The following DNAH5 variants were observed in gnomAD, a reference collection of about 807,000 sequenced individuals.
DNAH5 encodes dynein axonemal heavy chain 5, also known as axonemal beta dynein heavy chain 5.
DNAH5 carries 372 observed loss-of-function variants against 518.2 expected under a neutral mutation model. The observed-to-expected ratio is 0.72, with a 90% confidence interval of 0.66 to 0.78. The LOEUF is 0.78. Ranked by LOEUF, DNAH5 falls within the 30% of genes least tolerant of loss-of-function variation. The pLI is 0.00. For missense variants in DNAH5, 5,523 were observed against 5,687.0 expected, an observed-to-expected ratio of 0.97 and a Z score of 0.93; for synonymous variants, 2,039 against 2,025.9, an observed-to-expected ratio of 1.01 and a Z score of -0.17.
Position 13,717,300 on chromosome 5 carries a change from C to T in DNAH5, c.12705+15G>A. Reference sequence around the variant, plus strand: ...CACAGCCACTAGAGGCATGAGGCAGCATGCGCGGCAGTACCTTTTTGACAT... The same window carrying T: ...CACAGCCACTAGAGGCATGAGGCAGTATGCGCGGCAGTACCTTTTTGACAT... On this transcript the variant is annotated intron_variant, in intron 73 of 78. Coordinates refer to ENST00000265104, the MANE Select transcript of DNAH5 (RefSeq NM_001369.3). 1 of 1,611,430 alleles carries T rather than the reference C, an allele frequency of 6.2e-7. No individual in the cohort carries two copies. The highest frequency in any genetic ancestry group is 8.5e-7 in the Non-Finnish European group (1 of 1,178,702).
intron 71 of DNAH5, 139 bp downstream of exon 71, chr5:13,720,861 T>TAAA (rs59211873): frequency 7.4e-5 from 81 of 1,088,190 alleles, no homozygotes; most frequent in East Asian, 3.6e-4. Flanking sequence ...AGCTTAAATT[T>TAAA]AAAAAAAAAA....
intron 76 of DNAH5, among the ~76,000 whole-genome samples, chr5:13,706,234 C>T (rs1246333838): frequency 6.6e-6 from 1 of 152,232 alleles, no homozygotes; most frequent in Non-Finnish European, 1.5e-5. Context: ...AGGGGTGAAT[C>T]CTGTTGCCTT....
chr5:13,890,910 A>G, intron 17 of DNAH5, 66 bp downstream of exon 17: 2 of 1,589,368 alleles, frequency 1.3e-6, no homozygotes, highest in Non-Finnish European at 1.7e-6. Flanking sequence ...AACTTCAAAA[A>G]AGTGACCTTT....
Position 13,916,454 on chromosome 5 carries a change from A to G in DNAH5, c.1091T>C (p.Leu364Pro). Residue 364 changes from leucine to proline, a missense_variant and splice_region_variant, in exon 9 of 79, where the codon CTA becomes CCA. Leu to Pro is a moderately conservative substitution (Grantham distance 98). Coordinates refer to ENST00000265104, the MANE Select transcript of DNAH5 (RefSeq NM_001369.3). Reference protein sequence around the residue: ...CCDPLYSSDPLSMMDAIPTLI... With the variant: ...CCDPLYSSDPPSMMDAIPTLI... ...TGTAGGAATAGCATCCATCATGGAT[A>G]GCTGAAAGATATCACCAAAGTTTTC... 6.6e-7 allele frequency: 1 copy of G among 1,520,396 alleles called. No individual in the cohort carries two copies. The highest frequency in any genetic ancestry group is 9.1e-7 in the Non-Finnish European group (1 of 1,097,494). The allele number at this position is 1,520,396 out of a possible 1,614,324, so 94.2% of individuals were successfully genotyped here. A position where few individuals can be genotyped will look rare whatever the true frequency, so the allele number is the denominator to read the frequency against.
chr5:13,914,077 C>T lies in DNAH5; in HGVS notation c.1321-119G>A, dbSNP rs72634799. On this transcript the variant is annotated intron_variant, in intron 10 of 78. Coordinates refer to ENST00000265104, the MANE Select transcript of DNAH5 (RefSeq NM_001369.3). ...TTGTAAGCCTTTTCATAGTTTCATG[C>T]CTTTGCTTGTACTCACTCATCAGCC... 7.4e-3 allele frequency: 9,340 copies of T among 1,267,592 alleles called. 284 individuals carry two copies. In the East Asian group the frequency reaches 0.082, roughly 11 times the overall value. The allele number at this position is 1,267,592 out of a possible 1,614,324, so 78.5% of individuals were successfully genotyped here.
intron 54 of DNAH5, among the ~76,000 whole-genome samples, chr5:13,776,982 T>C (rs1393440578): frequency 3.3e-5 from 5 of 152,342 alleles, no homozygotes; most frequent in Non-Finnish European, 5.9e-5. Flanking sequence ...TTTCATTTGT[T>C]ATTGGAACAT....
intron 15 of DNAH5, chr5:13,898,400 G>C (rs980276309): frequency 5.0e-6 from 2 of 396,602 alleles, no homozygotes; most frequent in Admixed American, 8.8e-5. Flanking sequence ...AATTGACTAA[G>C]TGAGTTTCCT....
At chr5:13,849,769 C>G (rs1215651263) in intron 31 of DNAH5, among the ~76,000 whole-genome samples, 1 of 152,040 alleles carries the variant, frequency 6.6e-6, no homozygotes, top group East Asian at 1.9e-4. Context: ...TTACAAGTAC[C>G]CTCTTACAGG....
Position 13,713,124 on chromosome 5 carries a change from T to TATATATATATATATACACACAC in DNAH5, c.13125+1280_13125+1281insGTGTGTGTATATATATATATAT, listed in dbSNP as rs1554018603. Among the ~76,000 whole-genome samples, 81 of 146,610 alleles carry TATATATATATATATACACACAC rather than the reference T, an allele frequency of 5.5e-4. 1 individual carries two copies. The highest frequency in any genetic ancestry group is 1.9e-3 in the African/African-American group (75 of 39,270). On this transcript the variant is annotated intron_variant, in intron 75 of 78. Coordinates refer to ENST00000265104, the MANE Select transcript of DNAH5 (RefSeq NM_001369.3). ...GTGTGTGTGTATATATATATATATA[T>TATATATATATATATACACACAC]ACACACACACTGACATATATATACC...
chr5:13,769,359 A>C (rs1458108743), intron 57 of DNAH5, 142 bp downstream of exon 57: 2 of 907,896 alleles, frequency 2.2e-6, no homozygotes, highest in African/African-American at 3.5e-5. Context: ...CCAGTTTTTT[A>C]TACATAAAAT....
intron 30 of DNAH5, among the ~76,000 whole-genome samples, chr5:13,855,959 A>C (rs1348918728): frequency 6.6e-6 from 1 of 152,260 alleles, no homozygotes; most frequent in Admixed American, 6.5e-5. Flanking sequence ...GAGAACAAAG[A>C]CACAGTATAC....
intron 12 of DNAH5, among the ~76,000 whole-genome samples, chr5:13,905,388 T>C (rs562254454): frequency 2.0e-5 from 3 of 152,334 alleles, no homozygotes; most frequent in African/African-American, 7.2e-5. Flanking sequence ...GCTCTCTTGC[T>C]CTTCAGCCTT....
Position 13,882,915 on chromosome 5 carries a change from GTTCACTGCTC to G in DNAH5, c.3153_3162del (p.Trp1051CysfsTer39). ...CACCCCATACCCACCTTGGACAACA[GTTCACTGCTC>G]CACTGTCTGACCCCCTTAGGGACAC... On this transcript the variant is annotated frameshift_variant, in exon 20 of 79. Coordinates refer to ENST00000265104, the MANE Select transcript of DNAH5 (RefSeq NM_001369.3). LOFTEE classifies it high-confidence loss of function. The G allele has an allele frequency of 6.2e-7, 1 of 1,614,160 alleles. No homozygotes were observed. The highest frequency in any genetic ancestry group is 8.5e-7 in the Non-Finnish European group (1 of 1,180,022).
chr5:13,821,009 G>A (rs972681100), intron 40 of DNAH5, among the ~76,000 whole-genome samples: 1 of 152,002 alleles, frequency 6.6e-6, no homozygotes, highest in Non-Finnish European at 1.5e-5. Flanking sequence ...AACAATGTAA[G>A]TGTGCTTAAT....
chr5:13,997,100 C>A (rs565565750), intron 1 of DNAH5, among the ~76,000 whole-genome samples: 1 of 152,220 alleles, frequency 6.6e-6, no homozygotes, highest in Non-Finnish European at 1.5e-5. Context: ...ACCACTTTTT[C>A]TTTTGGAGGG....
At chr5:13,989,012 C>T (rs1250593393) in intron 1 of DNAH5, among the ~76,000 whole-genome samples, 2 of 152,064 alleles carry the variant, frequency 1.3e-5, no homozygotes, top group African/African-American at 4.8e-5. Flanking sequence ...CAGGTGTAAG[C>T]CACCGCACCT....
At chr5:13,949,003 CAGAT>C (rs1780153051), upstream of DNAH5, among the ~76,000 whole-genome samples, 1 of 152,024 alleles carries the variant, frequency 6.6e-6, no homozygotes, top group African/African-American at 2.4e-5. Flanking sequence ...TGAGAAAGAA[CAGAT>C]AGAACACACC....
intron 30 of DNAH5, among the ~76,000 whole-genome samples, chr5:13,857,078 G>C (rs1767739770): frequency 6.6e-6 from 1 of 152,216 alleles, no homozygotes; most frequent in African/African-American, 2.4e-5. Context: ...AATTATCTCT[G>C]TTTGCAGATG....
chr5:13,989,251 G>A (rs987470116), intron 1 of DNAH5, among the ~76,000 whole-genome samples: 1 of 152,086 alleles, frequency 6.6e-6, no homozygotes, highest in African/African-American at 2.4e-5. Context: ...ACAAGAAAAA[G>A]TGCAGCTTCA....
Sources: gnomAD v4.1 joint callset for allele counts (sites outside exome capture counted in the v4.1 genomes callset) on GRCh38, gnomAD v4.1.1 for gene constraint, MANE v1.5 for transcripts, NCBI Gene and HGNC (gene_info 2026-07-23, HGNC 2026-07-21) for gene names.